Variants in UBC observed in about 807,000 individuals in gnomAD.
UBC encodes ubiquitin C.
In UBC, 8 loss-of-function variants were observed where a neutral mutation model predicts 34.7. That is an observed-to-expected ratio of 0.23 (90% confidence interval 0.14 to 0.42). UBC has a LOEUF of 0.42. UBC is among the 10% of genes least tolerant of loss of function. The pLI is 1.00. For missense variants in UBC, 323 were observed against 750.3 expected (o/e 0.43, Z 6.65); for synonymous variants, 367 against 299.8 (o/e 1.22, Z -2.32).
Position 124,913,033 on chromosome 12 carries a change from G to C in UBC, c.739C>G (p.Pro247Ala), listed in dbSNP as rs1204466179. The part of the protein sequence containing the change: ...TGKTITLEVE[P>A]SDTIENVKAK... ...TTGACGTTCTCGATAGTGTCACTGG[G>C]CTCGACCTCAAGGGTGATGGTCTTG... The change falls in exon 2 of 2, where the codon CCC becomes GCC. Residue 247 changes from proline to alanine, a missense_variant. Coordinates refer to ENST00000339647, the MANE Select transcript of UBC (RefSeq NM_021009.7). The C allele has an allele frequency of 6.2e-7, 1 of 1,611,124 alleles. No individual in the cohort carries two copies. Among genetic ancestry groups the C allele is most frequent in the Non-Finnish European group, 8.5e-7 (1 of 1,178,952 alleles).
In UBC at chr12:124,913,383, C is replaced by T; in HGVS notation, c.389G>A (p.Arg130His). The part of the protein sequence containing the change: ...IFAGKQLEDG[R>H]TLSDYNIQKE... ...CTGGATGTTGTAGTCAGACAGGGTG[C>T]GCCCATCTTCCAGCTGCTTTCCGGC... The change falls in exon 2 of 2, where the codon CGC (arginine) becomes CAC (histidine). Residue 130 changes from arginine to histidine, a missense_variant. By Grantham distance (29) the Arg-to-His change is conservative (BLOSUM62 0). Around this residue, in one of 5 missense-constraint regions of UBC, gnomAD observed 202 missense variants for 361.9 expected, o/e 0.56. Transcript: ENST00000339647. 1.2e-6 allele frequency: 2 copies of T among 1,609,696 alleles called. No homozygotes were observed. The highest frequency in any genetic ancestry group is 1.7e-6 in the Non-Finnish European group (2 of 1,178,920).
chr12:124,913,079 G>A lies in UBC; in HGVS notation c.693C>T (p.Ile231=), dbSNP rs1327403393. 1 of 1,609,852 alleles carries A rather than the reference G, an allele frequency of 6.2e-7. No homozygotes were observed. The change falls in exon 2 of 2, where the codon ATC becomes ATT. Residue 231 remains isoleucine (I), a synonymous_variant. Coordinates refer to ENST00000339647, the MANE Select transcript of UBC (RefSeq NM_021009.7). ...TCTTGCCAGTGAGTGTCTTCACGAA[G>A]ATTTGCATCCCACCTCTGAGACGGA... is the stretch of plus-strand genomic sequence containing the variant. ...LVLRLRGGMQ[I]FVKTLTGKTI...
chr12:124,914,124 C>A (rs1203593550), intron 1 of UBC: 4 of 306,716 alleles, frequency 1.3e-5, no homozygotes, highest in Non-Finnish European at 2.5e-5. Flanking sequence ...CATTATAAGC[C>A]AACAGAACGG....
rs1220495598 is a variant in UBC, at chr12:124,913,728, A to C, written c.44T>G (p.Leu15Arg). ...GATGGTGTCACTGGGCTCAACCTCG[A>C]GGGTGATGGTCTTACCAGTCAGAGT... ...VKTLTGKTITLEVEPSDTIEN... is the reference protein window; with the variant it reads ...VKTLTGKTITREVEPSDTIEN... Residue 15 changes from leucine to arginine, a missense_variant, in exon 2 of 2, where the codon CTC becomes CGC. This residue lies in a region of UBC where 202 missense variants were observed against 361.9 expected (regional missense o/e 0.56). Coordinates refer to ENST00000339647, the MANE Select transcript of UBC (RefSeq NM_021009.7). The C allele has an allele frequency of 6.2e-7, 1 of 1,610,532 alleles. No individual in the cohort carries two copies. The highest frequency in any genetic ancestry group is 1.7e-5 in the Admixed American group (1 of 59,892).
At position 124,913,877 on chromosome 12, in the gene UBC, A is replaced by T. The variant is rs189546975; in HGVS notation, c.-3-103T>A. 7.2e-4 allele frequency: 1,101 copies of T among 1,535,288 alleles called. 2 individuals carry two copies. Among genetic ancestry groups the T allele is most frequent in the Non-Finnish European group, 7.5e-4 (854 of 1,140,354 alleles). On this transcript the variant is annotated intron_variant, in intron 1 of 1. Coordinates refer to ENST00000339647, the MANE Select transcript of UBC (RefSeq NM_021009.7). ...AATGATTACATTTCAAAAGGTGCCTAAAAAACTTCACAAAACACACTCGCC... is the reference window on the plus strand; with the variant it reads ...AATGATTACATTTCAAAAGGTGCCTTAAAAACTTCACAAAACACACTCGCC...
At chr12:124,913,958 A>AT in intron 1 of UBC, 184 bp from the exon 2 acceptor site, 1 of 951,326 alleles carries the variant, frequency 1.1e-6, no homozygotes, top group Non-Finnish European at 1.5e-6. Context: ...AGATAGGTAC[A>AT]TAAAACCGAC....
chr12:124,913,955 T>C, intron 1 of UBC, 181 bp from the exon 2 acceptor site: 3 of 959,844 alleles, frequency 3.1e-6, no homozygotes, highest in Admixed American at 5.8e-5. Flanking sequence ...AGAAGATAGG[T>C]ACATAAAACC....
intron 1 of UBC, chr12:124,914,362 C>G (rs1953579846): frequency 6.4e-6 from 1 of 156,994 alleles, no homozygotes; most frequent in Non-Finnish European, 1.4e-5. Flanking sequence ...GCCCACCATG[C>G]CCCCCACCTT....
Position 124,913,582 on chromosome 12 carries a change from C to T in UBC, c.190G>A (p.Glu64Lys), listed in dbSNP as rs1310493367. 1 of 1,611,366 alleles carries T rather than the reference C, an allele frequency of 6.2e-7. No individual in the cohort carries two copies. The highest frequency in any genetic ancestry group is 8.5e-7 in the Non-Finnish European group (1 of 1,179,084). ...RTLSDYNIQK[E>K]STLHLVLRLR... ...CGGAGCACCAGGTGCAGGGTGGACT[C>T]TTTCTGGATGTTGTAGTCAGACAGG... The change falls in exon 2 of 2, where the codon GAG becomes AAG. Residue 64 changes from glutamate to lysine, a missense_variant. By Grantham distance (56) the Glu-to-Lys change is moderately conservative. Transcript: ENST00000339647.
Position 124,914,613 on chromosome 12 carries a change from ACAAGAACTG to A in UBC, c.-39_-31del, listed in dbSNP as rs979657687. The A allele has an allele frequency of 1.3e-5, 2 of 152,406 alleles. No homozygotes were observed. The highest frequency in any genetic ancestry group is 6.5e-5 in the Admixed American group (1 of 15,276). 9.4% of individuals were successfully genotyped at this position (152,406 alleles called of 1,614,324 possible). ...AAGTGACGATCACAGCGATCCACAA[ACAAGAACTG>A]CGACCCAAATCCCGGCTGCGACGGA... On this transcript the variant is annotated 5_prime_UTR_variant, in exon 1 of 2. Transcript: ENST00000339647.
Position 124,913,105 on chromosome 12 carries a change from G to A in UBC, c.667C>T (p.Leu223Phe). 1 of 1,608,806 alleles carries A rather than the reference G, an allele frequency of 6.2e-7. No individual in the cohort carries two copies. The highest frequency in any genetic ancestry group is 8.5e-7 in the Non-Finnish European group (1 of 1,177,740). ...IQKESTLHLV[L>F]RLRGGMQIFV... ...ATTTGCATCCCACCTCTGAGACGGA[G>A]TACCAGGTGCAAGGTGGACTCTTTC... The change falls in exon 2 of 2, where the codon CTC (leucine) becomes TTC (phenylalanine). Residue 223 changes from leucine (L) to phenylalanine (F), a missense_variant. By Grantham distance (22) the Leu-to-Phe change is conservative (BLOSUM62 0). Transcript: ENST00000339647.
chr12:124,914,267 G>A (rs1382529986), intron 1 of UBC: 1 of 183,408 alleles, frequency 5.5e-6, no homozygotes, highest in Non-Finnish European at 1.2e-5. Context: ...TTCACGTCAG[G>A]GTCCCCAGAT....
chr12:124,911,879 G>A lies in UBC; in HGVS notation c.1893C>T (p.Ile631=), dbSNP rs1071771. 184 of 1,602,426 alleles carry A rather than the reference G, an allele frequency of 1.1e-4. 6 individuals are homozygous for A. In the South Asian group the frequency reaches 1.7e-3, roughly 15 times the overall value. ...ITLEVEPSDT[I]ENVKAKIQDK... ...CTTGGATCTTTGCCTTGACATTCTC[G>A]ATGGTGTCACTGGGCTCCACCTCGA... Residue 631 remains isoleucine, a synonymous_variant, in exon 2 of 2, where the codon ATC becomes ATT. Transcript: ENST00000339647.
intron 1 of UBC, chr12:124,914,046 G>A: frequency 4.0e-6 from 2 of 503,200 alleles, no homozygotes; most frequent in Admixed American, 7.2e-5. Context: ...CCTACCCTAG[G>A]CCCGAACCCT....
chr12:124,913,604 C>G lies in UBC; in HGVS notation c.168G>C (p.Leu56=). The change falls in exon 2 of 2, where the codon CTG becomes CTC. Residue 56 remains leucine (L), a synonymous_variant. Coordinates refer to ENST00000339647, the MANE Select transcript of UBC (RefSeq NM_021009.7). ...AGKQLEDGRT[L]SDYNIQKEST... ...ACTCTTTCTGGATGTTGTAGTCAGA[C>G]AGGGTGCGCCCATCTTCCAGCTGTT... 2 of 1,612,286 alleles carry G rather than the reference C, an allele frequency of 1.2e-6. No individual in the cohort carries two copies. The highest frequency in any genetic ancestry group is 1.7e-6 in the Non-Finnish European group (2 of 1,179,180).
intron 1 of UBC, 139 bp from the exon 2 acceptor site, chr12:124,913,913 G>T: frequency 7.4e-7 from 1 of 1,358,588 alleles, no homozygotes; most frequent in Non-Finnish European, 1.0e-6. Flanking sequence ...AACCCCGAGC[G>T]CATAGTTCAA....
In UBC at chr12:124,911,683, T is replaced by C. The variant is rs776438567; in HGVS notation, c.*31A>G. 1.3e-6 allele frequency: 2 copies of C among 1,513,610 alleles called. No individual in the cohort carries two copies. Among genetic ancestry groups the C allele is most frequent in the Non-Finnish European group, 8.9e-7 (1 of 1,118,966 alleles). The allele number at this position is 1,513,610 out of a possible 1,614,324, so 93.8% of individuals were successfully genotyped here. ...CAACTTTATTGAAAGGAAAGTGCAA[T>C]GAAATTTGTTGAAACCTTAAAAGGG... is the stretch of plus-strand genomic sequence containing the variant. On this transcript the variant is annotated 3_prime_UTR_variant, in exon 2 of 2. Transcript: ENST00000339647.
chr12:124,914,023 C>G (rs1237512230), intron 1 of UBC: 1 of 575,002 alleles, frequency 1.7e-6, no homozygotes, highest in African/African-American at 1.9e-5. Context: ...CGGCGCCTGT[C>G]GATTCAGGAG....
At position 124,913,583 on chromosome 12, in the gene UBC, T is replaced by A; in HGVS notation, c.189A>T (p.Lys63Asn). The change falls in exon 2 of 2, where the codon AAA (lysine) becomes AAT (asparagine). Residue 63 changes from lysine to asparagine, a missense_variant. Lys to Asn is a moderately conservative substitution (Grantham distance 94). This residue lies in a region of UBC where 202 missense variants were observed against 361.9 expected (regional missense o/e 0.56). Transcript: ENST00000339647. ...GGAGCACCAGGTGCAGGGTGGACTC[T>A]TTCTGGATGTTGTAGTCAGACAGGG... ...GRTLSDYNIQ[K>N]ESTLHLVLRL... The A allele has an allele frequency of 6.2e-7, 1 of 1,611,120 alleles. No homozygotes were observed. The highest frequency in any genetic ancestry group is 8.5e-7 in the Non-Finnish European group (1 of 1,178,988).
Sources: gnomAD v4.1 joint callset for allele counts on GRCh38, gnomAD v4.1.1 for gene constraint, gnomAD v4.1.1 regional missense constraint, MANE v1.5 for transcripts, NCBI Gene and HGNC (gene_info 2026-07-23, HGNC 2026-07-21) for gene names.